The following CADM1 variants were observed in gnomAD, a reference collection of about 807,000 sequenced individuals.
CADM1 encodes the protein cell adhesion molecule 1.
CADM1 carries 15 observed loss-of-function variants against 53.1 expected under a neutral mutation model. The observed-to-expected ratio is 0.28, with a 90% CI of 0.19 to 0.44. The LOEUF is 0.44. Among genes scored for constraint, CADM1 ranks in the 20% least tolerant of loss-of-function variants. CADM1 has a pLI of 1.00. For missense variants in CADM1, 434 were observed against 611.3 expected, an observed-to-expected ratio of 0.71 and a Z score of 3.06; for synonymous variants, 281 against 243.0, an observed-to-expected ratio of 1.16 and a Z score of -1.45.
At chr11:115,200,772 G>A (rs1453287065) in intron 8 of CADM1, among the ~76,000 whole-genome samples, 1 of 152,240 alleles carries the variant, frequency 6.6e-6, no homozygotes, top group African/African-American at 2.4e-5. Flanking sequence ...GGGATTACAG[G>A]CGTGAGGCAC....
chr11:115,367,957 G>A (rs1033144863), intron 1 of CADM1, among the ~76,000 whole-genome samples: 3 of 151,710 alleles, frequency 2.0e-5, no homozygotes, highest in Non-Finnish European at 1.5e-5. Context: ...AAATGTCTAG[G>A]TATAGTATTT....
chr11:115,470,697 A>G (rs1948991801), intron 1 of CADM1, among the ~76,000 whole-genome samples: 1 of 152,130 alleles, frequency 6.6e-6, no homozygotes, highest in African/African-American at 2.4e-5. Context: ...TTGTGGAATG[A>G]TTTTTTTCTT....
chr11:115,455,264 A>C (rs1454654661), intron 1 of CADM1, among the ~76,000 whole-genome samples: 1 of 152,166 alleles, frequency 6.6e-6, no homozygotes, highest in Non-Finnish European at 1.5e-5. Flanking sequence ...TGCTTTAAAA[A>C]TCACGTGCAA....
At chr11:115,433,300 T>C (rs1948103266) in intron 1 of CADM1, among the ~76,000 whole-genome samples, 2 of 152,202 alleles carry the variant, frequency 1.3e-5, no homozygotes, top group Non-Finnish European at 2.9e-5. Context: ...TGCCAATAAC[T>C]GAAATGCTTT....
intron 3 of CADM1, among the ~76,000 whole-genome samples, chr11:115,236,883 G>T (rs942188510): frequency 6.6e-6 from 1 of 152,098 alleles, no homozygotes; most frequent in Non-Finnish European, 1.5e-5. Context: ...TGAGTGCTTT[G>T]TAACCTGGGC....
intron 1 of CADM1, among the ~76,000 whole-genome samples, chr11:115,497,785 G>A (rs145295346): frequency 9.9e-5 from 15 of 152,084 alleles, no homozygotes; most frequent in African/African-American, 3.6e-4. Flanking sequence ...GCATTCCTTT[G>A]TGCTTTTCTT....
intron 5 of CADM1, among the ~76,000 whole-genome samples, chr11:115,218,858 T>C (rs1010944925): frequency 2.6e-5 from 4 of 151,722 alleles, no homozygotes; most frequent in Non-Finnish European, 4.4e-5. Context: ...GATATGGCTA[T>C]GAGAGCTGAA....
rs140863527 is a variant in CADM1, at chr11:115,345,739, T to C, written c.125-105319A>G. Among the ~76,000 whole-genome samples, 8 of 152,288 alleles carry C rather than the reference T, an allele frequency of 5.3e-5. No individual in the cohort carries two copies. The East Asian group carries it at 5.8e-4, about 11-fold the overall frequency. On this transcript the variant is annotated intron_variant, in intron 1 of 11. Transcript: ENST00000331581. Reference sequence around the variant, plus strand: ...TTTTCTGAGAAGCACTTTGGGTTGATAGAGGCCAGTGGCTAGGGGGACATT... The same window carrying C: ...TTTTCTGAGAAGCACTTTGGGTTGACAGAGGCCAGTGGCTAGGGGGACATT...
At chr11:115,433,351 C>G (rs761644974) in intron 1 of CADM1, among the ~76,000 whole-genome samples, 3 of 152,202 alleles carry the variant, frequency 2.0e-5, no homozygotes, top group Non-Finnish European at 4.4e-5. Flanking sequence ...ACAGGTGCCA[C>G]AGAAGTGCAC....
intron 3 of CADM1, among the ~76,000 whole-genome samples, chr11:115,233,954 A>G (rs940197848): frequency 2.6e-5 from 4 of 152,234 alleles, no homozygotes; most frequent in Non-Finnish European, 5.9e-5. Flanking sequence ...TTATCTGTAT[A>G]ACTTTGGGAG....
chr11:115,210,508 G>A (rs1356533641), intron 7 of CADM1, among the ~76,000 whole-genome samples: 2 of 152,072 alleles, frequency 1.3e-5, no homozygotes, highest in East Asian at 3.9e-4. Context: ...ACAAGGGAGG[G>A]GCAAATATGA....
chr11:115,321,851 C>T (rs893580392), intron 1 of CADM1, among the ~76,000 whole-genome samples: 1 of 152,176 alleles, frequency 6.6e-6, no homozygotes, highest in African/African-American at 2.4e-5. Context: ...TCATCACCCA[C>T]AAATGCACCA....
intron 1 of CADM1, among the ~76,000 whole-genome samples, chr11:115,404,502 G>C (rs180921506): frequency 1.3e-5 from 2 of 148,432 alleles, no homozygotes; most frequent in Admixed American, 1.3e-4. Context: ...GACCTCAGAA[G>C]TAGGAAAGGC....
intron 1 of CADM1, among the ~76,000 whole-genome samples, chr11:115,466,906 C>A (rs563379441): frequency 1.3e-5 from 2 of 152,212 alleles, no homozygotes; most frequent in South Asian, 4.2e-4. Flanking sequence ...AAGCACCACC[C>A]GAACTTACAG....
intron 1 of CADM1, among the ~76,000 whole-genome samples, chr11:115,378,324 C>T (rs1946490267): frequency 6.6e-6 from 1 of 152,032 alleles, no homozygotes; most frequent in African/African-American, 2.4e-5. Flanking sequence ...GAGAATTAAA[C>T]AGCAACTACC....
intron 7 of CADM1, chr11:115,214,356 G>A (rs1941086500): frequency 1.9e-6 from 1 of 524,900 alleles, no homozygotes; most frequent in South Asian, 2.1e-5. Context: ...TGTGCCTGAG[G>A]ACACAGCTTT....
At chr11:115,210,025 G>A (rs1940885207) in intron 7 of CADM1, among the ~76,000 whole-genome samples, 1 of 152,200 alleles carries the variant, frequency 6.6e-6, no homozygotes, top group Admixed American at 6.5e-5. Context: ...AGCTTTTACA[G>A]ATGGCAGGAA....
chr11:115,457,456 A>G (rs535799257), intron 1 of CADM1, among the ~76,000 whole-genome samples: 4 of 152,314 alleles, frequency 2.6e-5, no homozygotes, highest in African/African-American at 9.6e-5. Flanking sequence ...ATTTGCAGAT[A>G]TATCAAAATA....
chr11:115,239,957 A>G (rs1942161615), intron 2 of CADM1, among the ~76,000 whole-genome samples: 2 of 152,132 alleles, frequency 1.3e-5, no homozygotes, highest in African/African-American at 2.4e-5. Flanking sequence ...TACCTTTCAG[A>G]ATGCTGTATT....
Sources: allele counts gnomAD v4.1 joint callset (sites outside exome capture counted in the v4.1 genomes callset), GRCh38; gene constraint gnomAD v4.1.1; transcripts MANE v1.5; gene names NCBI Gene and HGNC (gene_info 2026-07-23, HGNC 2026-07-21).